The following NFXL1 variants were observed in gnomAD, a reference collection of about 807,000 sequenced individuals.
NFXL1 encodes the protein NF-X1-type zinc finger protein NFXL1.
Under a neutral mutation model 123.3 loss-of-function variants are expected in NFXL1, and 66 were observed. That is an observed-to-expected ratio of 0.54 (90% CI 0.44 to 0.66). NFXL1 has a LOEUF of 0.66. Among genes scored for constraint, NFXL1 ranks in the 30% least tolerant of loss-of-function variants. The pLI, the probability that NFXL1 is intolerant of heterozygous loss-of-function variation, is 0.00. For synonymous variants in NFXL1, 346 were observed against 360.8 expected (o/e 0.96, Z 0.46); for missense variants, 944 against 1,125.6 (o/e 0.84, Z 2.31).
intron 3 of NFXL1, among the ~76,000 whole-genome samples, chr4:47,910,460 T>G (rs1407145169): frequency 1.3e-5 from 2 of 152,036 alleles, no homozygotes; most frequent in African/African-American, 4.8e-5. Flanking sequence ...ATGAATAGAT[T>G]GAAAGGAGTA....
intron 3 of NFXL1, among the ~76,000 whole-genome samples, chr4:47,906,711 TAAG>T (rs900433788): frequency 1.9e-4 from 29 of 152,176 alleles, no homozygotes; most frequent in African/African-American, 5.8e-4. Flanking sequence ...AAACAGAATT[TAAG>T]AAGAAGATAG....
intron 3 of NFXL1, 115 bp from the exon 4 acceptor site, chr4:47,905,461 T>C (rs980425114): frequency 1.6e-5 from 8 of 506,058 alleles, no homozygotes; most frequent in Non-Finnish European, 2.5e-5. Flanking sequence ...GCTCAAAATA[T>C]AGCTGTAAAA....
At chr4:47,910,700 C>G (rs1737788165) in intron 3 of NFXL1, 124 bp downstream of exon 3, 1 of 501,842 alleles carries the variant, frequency 2.0e-6, no homozygotes, top group East Asian at 3.3e-5. Flanking sequence ...AAATTCAACT[C>G]TATAACATAC....
intron 18 of NFXL1, among the ~76,000 whole-genome samples, chr4:47,868,330 A>G (rs1735224212): frequency 6.6e-6 from 1 of 151,842 alleles, no homozygotes; most frequent in Non-Finnish European, 1.5e-5. Context: ...AAAAAAAAAA[A>G]AATAGAAAAG....
At chr4:47,894,437 A>G in intron 10 of NFXL1, 135 bp from the exon 11 acceptor site, 1 of 508,680 alleles carries the variant, frequency 2.0e-6, no homozygotes, top group Non-Finnish European at 3.2e-6. Context: ...TTTACCAAAA[A>G]CCAATTTGAA....
chr4:47,891,189 G>A (rs1736751132), intron 11 of NFXL1, among the ~76,000 whole-genome samples: 1 of 147,016 alleles, frequency 6.8e-6, no homozygotes, highest in Admixed American at 6.9e-5. Flanking sequence ...TTGACTGACT[G>A]CAACCTCCAC....
At position 47,865,678 on chromosome 4, in the gene NFXL1, C is replaced by A. The variant is rs181227641; in HGVS notation, c.2247-2763G>T. On this transcript the variant is annotated intron_variant, in intron 18 of 22. Transcript: ENST00000507489. ...ATACCCTGGTAGACCACAGCACTAA[C>A]TAAAGGGAATGGATTTTAACAAGTA... 1.9e-4 allele frequency among the ~76,000 whole-genome samples: 29 copies of A among 152,254 alleles called. 1 individual carries two copies. Among genetic ancestry groups the A allele is most frequent in the Admixed American group, 1.8e-3 (28 of 15,298 alleles).
intron 19 of NFXL1, among the ~76,000 whole-genome samples, chr4:47,860,627 C>T (rs1472035131): frequency 2.0e-5 from 3 of 152,162 alleles, no homozygotes; most frequent in Non-Finnish European, 4.4e-5. Context: ...GGGAAAGAAA[C>T]AAGAACATAA....
At chr4:47,854,010 G>C (rs1377666758) in intron 20 of NFXL1, among the ~76,000 whole-genome samples, 1 of 152,080 alleles carries the variant, frequency 6.6e-6, no homozygotes, top group Non-Finnish European at 1.5e-5. Context: ...TGAGATTTCA[G>C]AGAAAACTTA....
In NFXL1 at chr4:47,914,160, G is replaced by A. The variant is rs753366457; in HGVS notation, c.44C>T (p.Ser15Phe). 6.5e-7 allele frequency: 1 copy of A among 1,544,678 alleles called. No individual in the cohort carries two copies. Among genetic ancestry groups the A allele is most frequent in the Non-Finnish European group, 8.7e-7 (1 of 1,143,570 alleles). Residue 15 changes from serine to phenylalanine, a missense_variant, in exon 2 of 23, where the codon TCC becomes TTC. Around this residue, in one of 4 missense-constraint regions of NFXL1, gnomAD observed 303 missense variants for 292.1 expected, o/e 1.04. Coordinates refer to ENST00000507489, the MANE Select transcript of NFXL1 (RefSeq NM_001278624.2). Reference sequence around the variant, plus strand: ...GGGGGCGGCAGTGGCCCGTCCCCGGGATCGGCCTCGGCCACCGGCCACCTG... The same window carrying A: ...GGGGGCGGCAGTGGCCCGTCCCCGGAATCGGCCTCGGCCACCGGCCACCTG... ...WRQVAGGRGR[S>F]RGRATAAPSG...
chr4:47,904,273 G>C (rs1256542445), intron 4 of NFXL1, among the ~76,000 whole-genome samples: 1 of 152,168 alleles, frequency 6.6e-6, no homozygotes, highest in African/African-American at 2.4e-5. Context: ...AAAGGAGGTT[G>C]GGGCATTCAC....
intron 12 of NFXL1, among the ~76,000 whole-genome samples, chr4:47,888,279 C>T (rs1293868024): frequency 6.6e-6 from 1 of 151,996 alleles, no homozygotes; most frequent in Non-Finnish European, 1.5e-5. Context: ...TCTCAAAGAA[C>T]AAAACAAAAC....
At chr4:47,907,458 T>C (rs926732641) in intron 3 of NFXL1, among the ~76,000 whole-genome samples, 1 of 152,202 alleles carries the variant, frequency 6.6e-6, no homozygotes, top group African/African-American at 2.4e-5. Flanking sequence ...AAGTTGGCCA[T>C]GCAAGTTTGA....
At chr4:47,868,843 G>A (rs191427021) in intron 18 of NFXL1, among the ~76,000 whole-genome samples, 24 of 152,232 alleles carry the variant, frequency 1.6e-4, no homozygotes, top group Non-Finnish European at 2.8e-4. Flanking sequence ...GCTAAAAGCC[G>A]TAATTATTAA....
intron 22 of NFXL1, 69 bp downstream of exon 22, chr4:47,851,026 T>C (rs949996791): frequency 6.1e-6 from 7 of 1,141,108 alleles, no homozygotes; most frequent in East Asian, 2.3e-5. Context: ...CCTTGGAATA[T>C]ACCCCGTGTT....
chr4:47,874,577 C>CACA (rs1204633896), intron 18 of NFXL1, among the ~76,000 whole-genome samples: 2 of 152,130 alleles, frequency 1.3e-5, no homozygotes, highest in Admixed American at 1.3e-4. Flanking sequence ...GATCACTGAT[C>CACA]ACAGGTTATC....
At chr4:47,910,303 C>T (rs1342055974) in intron 3 of NFXL1, among the ~76,000 whole-genome samples, 12 of 152,098 alleles carry the variant, frequency 7.9e-5, no homozygotes, top group African/African-American at 2.9e-4. Flanking sequence ...CGCACCACTA[C>T]GTACCACTGC....
intron 9 of NFXL1, 65 bp from the exon 10 acceptor site, chr4:47,896,712 A>AAGAACATGGCACTT: frequency 8.6e-7 from 1 of 1,160,428 alleles, no homozygotes; most frequent in Non-Finnish European, 1.3e-6. Context: ...ACAAAGTGCC[A>AAGAACATGGCACTT]TGTTCTTCAG....
chr4:47,880,417 A>T (rs1453018056), intron 15 of NFXL1, among the ~76,000 whole-genome samples: 2 of 139,088 alleles, frequency 1.4e-5, no homozygotes, highest in Non-Finnish European at 1.5e-5. Context: ...CAGAACTGAG[A>T]TCCAGTCTCA....
Sources: allele counts gnomAD v4.1 joint callset (sites outside exome capture counted in the v4.1 genomes callset), GRCh38; gene constraint gnomAD v4.1.1; regional missense constraint gnomAD v4.1.1; transcripts MANE v1.5; gene names NCBI Gene and HGNC (gene_info 2026-07-23, HGNC 2026-07-21).